Variants in ANK1 observed in about 807,000 individuals in gnomAD.
The protein encoded by ANK1 is ankyrin-1.
In ANK1, 51 loss-of-function variants were observed where a neutral mutation model predicts 210.4. That is an observed-to-expected ratio of 0.24 (90% CI 0.19 to 0.31). The LOEUF (loss-of-function observed/expected upper bound fraction) is 0.31. Ranked by LOEUF, ANK1 falls within the 10% of genes least tolerant of loss-of-function variation. The probability of loss-of-function intolerance (pLI) is 1.00; values close to 1 mark genes in which losing one functional copy is unlikely to be tolerated. For missense variants in ANK1, 2,051 were observed against 2,504.4 expected (o/e 0.82, Z 3.86); for synonymous variants, 967 against 1,025.9 (o/e 0.94, Z 1.10).
chr8:41,743,675 G>A (rs1030221800), intron 2 of ANK1, among the ~76,000 whole-genome samples: 1 of 152,206 alleles, frequency 6.6e-6, no homozygotes, highest in Non-Finnish European at 1.5e-5. Flanking sequence ...AATATGTTAA[G>A]GAGGACGGGC....
chr8:41,878,243 G>C (rs1816945512), intron 1 of ANK1, among the ~76,000 whole-genome samples: 1 of 152,212 alleles, frequency 6.6e-6, no homozygotes, highest in Non-Finnish European at 1.5e-5. Flanking sequence ...CGGGAAGACA[G>C]TACCCGAAGG....
intron 1 of ANK1, among the ~76,000 whole-genome samples, chr8:41,831,281 TTTC>T (rs1461471104): frequency 6.6e-6 from 1 of 151,588 alleles, no homozygotes; most frequent in African/African-American, 2.4e-5. Flanking sequence ...GCCCCAAGAG[TTTC>T]TTCTTCTAAC....
At chr8:41,851,577 T>C (rs1811257103) in intron 1 of ANK1, among the ~76,000 whole-genome samples, 1 of 152,170 alleles carries the variant, frequency 6.6e-6, no homozygotes, top group Non-Finnish European at 1.5e-5. Flanking sequence ...GCTGGCTGGG[T>C]GCGTGGCTCA....
intron 1 of ANK1, among the ~76,000 whole-genome samples, chr8:41,761,386 C>CAT (rs1351190669): frequency 1.3e-5 from 2 of 148,548 alleles, no homozygotes; most frequent in Non-Finnish European, 3.0e-5. Flanking sequence ...CACACACACA[C>CAT]ACATGTTCAC....
intron 40 of ANK1, among the ~76,000 whole-genome samples, chr8:41,663,237 G>A (rs544299444): frequency 6.6e-6 from 1 of 151,948 alleles, no homozygotes; most frequent in Non-Finnish European, 1.5e-5. Context: ...CTCCTGCCTT[G>A]GCCTCCCAAA....
chr8:41,870,614 C>T (rs901632420), intron 1 of ANK1, among the ~76,000 whole-genome samples: 7 of 152,196 alleles, frequency 4.6e-5, no homozygotes, highest in East Asian at 3.9e-4. Context: ...GGTCTGAGAA[C>T]GTGTGGCCGG....
At chr8:41,679,997 A>G (rs1815458351) in intron 37 of ANK1, among the ~76,000 whole-genome samples, 1 of 152,060 alleles carries the variant, frequency 6.6e-6, no homozygotes, top group East Asian at 1.9e-4. Context: ...TAGTGTGTCC[A>G]TTTTTTGGTC....
chr8:41,758,069 C>G lies in ANK1; in HGVS notation c.96G>C (p.Leu32=), dbSNP rs769077232. The part of the protein sequence containing the change: ...SGNLDKALDH[L]RNGVDINTCN... ...AGGTGTTAATATCTACCCCATTCCG[C>G]AGGTGATCCAAAGCTTTGTCCAAGT... is the stretch of plus-strand genomic sequence containing the variant. The change falls in exon 2 of 43, where the codon CTG becomes CTC. Residue 32 remains leucine, a synonymous_variant. Transcript: ENST00000289734. The G allele has an allele frequency of 1.9e-6, 3 of 1,614,214 alleles. No homozygotes were observed. The highest frequency in any genetic ancestry group is 1.7e-6 in the Non-Finnish European group (2 of 1,180,048).
intron 37 of ANK1, chr8:41,684,339 C>T (rs553790440): frequency 1.1e-4 from 91 of 844,496 alleles, no homozygotes; most frequent in African/African-American, 1.1e-3. Flanking sequence ...GAGGCGATGC[C>T]CACCTGCACA....
chr8:41,765,927 C>T lies in ANK1; in HGVS notation c.28-7790G>A, dbSNP rs1176059023. Among the ~76,000 whole-genome samples the T allele has an allele frequency of 2.0e-5, 3 of 152,164 alleles. No individual in the cohort carries two copies. In the South Asian group the frequency reaches 6.2e-4, roughly 32 times the overall value. On this transcript the variant is annotated intron_variant, in intron 1 of 42. Transcript: ENST00000289734. ...CAGGCAGACCCAGGTGAGAGAACCC[C>T]AGGGCCTCCTCACACCTTCTCTGGG... is the stretch of plus-strand genomic sequence containing the variant.
intron 20 of ANK1, 108 bp downstream of exon 20, chr8:41,703,933 C>T: frequency 9.4e-7 from 1 of 1,059,002 alleles, no homozygotes; most frequent in Non-Finnish European, 1.5e-6. Context: ...TGCTGCGGCC[C>T]CGTCCAGGCC....
chr8:41,668,160 G>A (rs1811142194), intron 39 of ANK1, 107 bp downstream of exon 39: 26 of 1,466,984 alleles, frequency 1.8e-5, no homozygotes, highest in South Asian at 9.2e-5. Flanking sequence ...TAAAGGAAGG[G>A]GATATGCTTA....
intron 22 of ANK1, among the ~76,000 whole-genome samples, chr8:41,700,210 C>T (rs1277919930): frequency 2.6e-5 from 4 of 152,324 alleles, no homozygotes; most frequent in East Asian, 3.9e-4. Flanking sequence ...ATCATAAACA[C>T]GGTGGCATGG....
chr8:41,855,991 C>G (rs1812113682), intron 1 of ANK1, among the ~76,000 whole-genome samples: 1 of 152,172 alleles, frequency 6.6e-6, no homozygotes, highest in African/African-American at 2.4e-5. Flanking sequence ...CCGATCCCCT[C>G]AGCACGGGAA....
chr8:41,688,529 G>T lies in ANK1; in HGVS notation c.4165C>A (p.Leu1389Ile). The T allele has an allele frequency of 6.2e-7, 1 of 1,614,188 alleles. No individual in the cohort carries two copies. Among genetic ancestry groups the T allele is most frequent in the South Asian group, 1.1e-5 (1 of 91,082 alleles). The change falls in exon 34 of 43, where the codon CTC becomes ATC. Residue 1389 changes from leucine to isoleucine, a missense_variant. Around this residue, in one of 6 missense-constraint regions of ANK1, gnomAD observed 1,413 missense variants for 1,707.4 expected, o/e 0.83. Coordinates refer to ENST00000289734, the MANE Select transcript of ANK1 (RefSeq NM_000037.4). ...GCCGTACCTGGTGTGGACTCACTGA[G>T]AATGCTGTATCGCAGGGCCAGGGGC... ...PTPLALRYSI[L>I]SESTPGSLSG...
chr8:41,727,792 C>G, intron 4 of ANK1, 116 bp downstream of exon 4: 1 of 963,720 alleles, frequency 1.0e-6, no homozygotes, highest in Non-Finnish European at 1.7e-6. Context: ...AATCTAGGCC[C>G]TGCCCCACAG....
At chr8:41,670,256 T>C (rs772696272) in intron 38 of ANK1, among the ~76,000 whole-genome samples, 4 of 152,084 alleles carry the variant, frequency 2.6e-5, no homozygotes, top group Non-Finnish European at 5.9e-5. Flanking sequence ...AGGCACTCTT[T>C]ATTGGTGCCT....
intron 1 of ANK1, among the ~76,000 whole-genome samples, chr8:41,845,062 C>A (rs1022670448): frequency 1.2e-4 from 19 of 152,184 alleles, no homozygotes; most frequent in Admixed American, 1.1e-3. Flanking sequence ...CTCCTGAAAG[C>A]AACTGGTAGC....
At chr8:41,857,760 C>T (rs1327788751) in intron 1 of ANK1, among the ~76,000 whole-genome samples, 3 of 151,198 alleles carry the variant, frequency 2.0e-5, no homozygotes, top group African/African-American at 4.9e-5. Flanking sequence ...AAACGTTGGC[C>T]AGGTATGGTG....
Sources: allele counts gnomAD v4.1 joint callset (sites outside exome capture counted in the v4.1 genomes callset), GRCh38; gene constraint gnomAD v4.1.1; regional missense constraint gnomAD v4.1.1; transcripts MANE v1.5; gene names NCBI Gene and HGNC (gene_info 2026-07-23, HGNC 2026-07-21).